TIAM1: variants seen among roughly 807,000 people sequenced by gnomAD.
TIAM1 encodes TIAM Rac1 associated GEF 1.
Under a neutral mutation model 163.5 loss-of-function variants are expected in TIAM1, and 65 were observed. The ratio of observed to expected loss-of-function variants is 0.40; its 90% CI spans 0.33 to 0.49. The LOEUF is 0.49. Ranked by LOEUF, TIAM1 falls within the 20% of genes least tolerant of loss-of-function variation. The pLI, the probability that TIAM1 is intolerant of heterozygous loss-of-function variation, is 0.77. For synonymous variants in TIAM1, 833 were observed against 810.1 expected (o/e 1.03, Z -0.48); for missense variants, 1,789 against 2,044.7 (o/e 0.87, Z 2.41).
At chr21:31,531,929 C>A (rs1027664335) in intron 1 of TIAM1, among the ~76,000 whole-genome samples, 1 of 151,948 alleles carries the variant, frequency 6.6e-6, no homozygotes, top group Non-Finnish European at 1.5e-5. Flanking sequence ...CCAGCCTGGG[C>A]AACAGAGGGG....
At chr21:31,541,922 G>A (rs1378120766) in intron 1 of TIAM1, among the ~76,000 whole-genome samples, 2 of 152,178 alleles carry the variant, frequency 1.3e-5, no homozygotes, top group Non-Finnish European at 1.5e-5. Context: ...CAACTGCCTA[G>A]AAAAATAGGT....
intron 2 of TIAM1, among the ~76,000 whole-genome samples, chr21:31,326,580 C>T (rs1334686643): frequency 1.3e-5 from 2 of 152,208 alleles, no homozygotes; most frequent in Non-Finnish European, 1.5e-5. Context: ...TCTGCAATGA[C>T]AACAACAAAA....
At chr21:31,250,113 T>C (rs1406996110) in intron 5 of TIAM1, among the ~76,000 whole-genome samples, 2 of 140,200 alleles carry the variant, frequency 1.4e-5, no homozygotes, top group Non-Finnish European at 3.0e-5. Flanking sequence ...GCCACTGCAT[T>C]CCAGCCTGGA....
At chr21:31,502,592 G>A (rs2046884438) in intron 1 of TIAM1, among the ~76,000 whole-genome samples, 2 of 152,204 alleles carry the variant, frequency 1.3e-5, no homozygotes, top group Non-Finnish European at 2.9e-5. Flanking sequence ...AGGAAAAAAA[G>A]GAGATCACGA....
chr21:31,393,717 G>T (rs1156825485), intron 2 of TIAM1, among the ~76,000 whole-genome samples: 1 of 152,098 alleles, frequency 6.6e-6, no homozygotes. Flanking sequence ...GTTTGAATGT[G>T]GAGTATCATA....
chr21:31,318,246 T>C (rs2075195054), intron 2 of TIAM1, among the ~76,000 whole-genome samples: 1 of 152,144 alleles, frequency 6.6e-6, no homozygotes, highest in Admixed American at 6.5e-5. Flanking sequence ...CACAGGCACA[T>C]GCCACCACAC....
intron 1 of TIAM1, among the ~76,000 whole-genome samples, chr21:31,510,438 C>T (rs1318642322): frequency 6.6e-6 from 1 of 152,218 alleles, no homozygotes; most frequent in East Asian, 1.9e-4. Context: ...AATACAATCA[C>T]ATTCTGGCGT....
intron 27 of TIAM1, 87 bp downstream of exon 27, chr21:31,124,435 C>A: frequency 6.4e-7 from 1 of 1,560,534 alleles, no homozygotes; most frequent in Non-Finnish European, 8.7e-7. Context: ...ACACCTCACC[C>A]CCACTCAACA....
At chr21:31,234,551 C>A (rs945868568) in intron 6 of TIAM1, among the ~76,000 whole-genome samples, 3 of 152,104 alleles carry the variant, frequency 2.0e-5, no homozygotes, top group African/African-American at 7.2e-5. Flanking sequence ...GAGGCTGAGG[C>A]AGGTGGATCA....
intron 2 of TIAM1, among the ~76,000 whole-genome samples, chr21:31,299,598 A>G (rs756356368): frequency 6.6e-6 from 1 of 152,242 alleles, no homozygotes; most frequent in South Asian, 2.1e-4. Context: ...ACCCAACAGC[A>G]TTAGTCAAAA....
chr21:31,228,220 TAAA>T (rs71191197), intron 6 of TIAM1, among the ~76,000 whole-genome samples: 1,000 of 16,066 alleles, frequency 0.062, 27 homozygotes, highest in Admixed American at 0.11. Context: ...CTCCTTTTTT[TAAA>T]AAAAAAAAAA....
chr21:31,362,235 G>A (rs1043199441), intron 2 of TIAM1, among the ~76,000 whole-genome samples: 1 of 151,934 alleles, frequency 6.6e-6, no homozygotes, highest in Admixed American at 6.6e-5. Flanking sequence ...TGAGTTCAGT[G>A]CATCCACCCT....
intron 2 of TIAM1, among the ~76,000 whole-genome samples, chr21:31,309,221 G>A (rs1252466989): frequency 2.6e-5 from 4 of 152,212 alleles, no homozygotes; most frequent in South Asian, 2.1e-4. Flanking sequence ...ACTTTGGGAG[G>A]CTGAGGTGGA....
chr21:31,504,341 T>A (rs372855970), intron 1 of TIAM1, among the ~76,000 whole-genome samples: 51 of 152,288 alleles, frequency 3.3e-4, no homozygotes, highest in East Asian at 1.9e-3. Flanking sequence ...AAGTGAGGAA[T>A]CCAACCCTTT....
chr21:31,453,708 A>G (rs965818524), intron 2 of TIAM1, among the ~76,000 whole-genome samples: 14 of 149,946 alleles, frequency 9.3e-5, no homozygotes, highest in Non-Finnish European at 1.9e-4. Context: ...ATAAATAAAT[A>G]AATAAATAAA....
At chr21:31,445,823 C>T (rs796069647) in intron 2 of TIAM1, among the ~76,000 whole-genome samples, 6 of 152,140 alleles carry the variant, frequency 3.9e-5, no homozygotes, top group South Asian at 2.1e-4. Flanking sequence ...GGAGGAGAGA[C>T]GCTAAAGGAG....
At chr21:31,403,250 T>C (rs1317926337) in intron 2 of TIAM1, among the ~76,000 whole-genome samples, 3 of 152,098 alleles carry the variant, frequency 2.0e-5, no homozygotes, top group Non-Finnish European at 4.4e-5. Flanking sequence ...CCGGTTCAAG[T>C]GATTCTCCTG....
intron 6 of TIAM1, among the ~76,000 whole-genome samples, chr21:31,235,264 A>G (rs1601651187): frequency 6.6e-6 from 1 of 152,134 alleles, no homozygotes; most frequent in East Asian, 1.9e-4. Context: ...TCCTCCCAAA[A>G]AAAGGGGGCA....
At chr21:31,531,228 G>C (rs992110519) in intron 1 of TIAM1, among the ~76,000 whole-genome samples, 1 of 152,138 alleles carries the variant, frequency 6.6e-6, no homozygotes, top group African/African-American at 2.4e-5. Context: ...CACTGAGCCC[G>C]TGGGTACTCC....
Sources: allele counts gnomAD v4.1 joint callset (sites outside exome capture counted in the v4.1 genomes callset), GRCh38; gene constraint gnomAD v4.1.1; transcripts MANE v1.5; gene names NCBI Gene and HGNC (gene_info 2026-07-23, HGNC 2026-07-21).